The following PNPLA4 variants were observed in gnomAD, a reference collection of about 807,000 sequenced individuals.
PNPLA4 encodes patatin like domain 4, phospholipase and triacylglycerol lipase.
Under a neutral mutation model 18.3 loss-of-function variants are expected in PNPLA4, and 15 were observed. The observed-to-expected ratio is 0.82, with a 90% CI of 0.55 to 1.26. PNPLA4 has a LOEUF of 1.26. Ranked by LOEUF, PNPLA4 falls within the 50% of genes most tolerant of loss-of-function variation. PNPLA4 has a pLI of 0.00. For synonymous variants in PNPLA4, 88 were observed against 85.6 expected (o/e 1.03, Z -0.16); for missense variants, 229 against 196.8 (o/e 1.16, Z -0.98).
intron 2 of PNPLA4, 49 bp downstream of exon 2, chrX:7,925,891 G>T: frequency 9.2e-7 from 1 of 1,083,663 alleles, no homozygotes; most frequent in Non-Finnish European, 1.3e-6. Context: ...TTTGCCTTTG[G>T]GTCTTAATTT....
chrX:7,926,379 T>C (rs918439815), intron 1 of PNPLA4, among the ~76,000 whole-genome samples: 2 of 112,498 alleles, frequency 1.8e-5, no homozygotes, highest in Admixed American at 9.4e-5. Context: ...ATTTATTCGG[T>C]ACATAGATTA....
intron 4 of PNPLA4, among the ~76,000 whole-genome samples, chrX:7,915,158 C>T (rs181708575): frequency 7.2e-5 from 8 of 111,189 alleles, no homozygotes; most frequent in Non-Finnish European, 1.3e-4. Flanking sequence ...TAAACATGTG[C>T]TTTTAGTGTA....
chrX:7,925,836 C>A, intron 2 of PNPLA4, 104 bp downstream of exon 2: 1 of 637,573 alleles, frequency 1.6e-6, no homozygotes, highest in Non-Finnish European at 2.4e-6. Flanking sequence ...TCCAAGCAAA[C>A]GATTATTTCT....
rs745481763 is a variant in PNPLA4 at position 7,924,760 on chromosome X, A to T, written c.180+1180T>A. 3.6e-5 allele frequency among the ~76,000 whole-genome samples: 4 copies of T among 112,393 alleles called. No individual in the cohort carries two copies. In the South Asian group the frequency reaches 1.5e-3, roughly 41 times the overall value. Reference sequence around the variant, plus strand: ...TGGCTGTACTAGTGCAGTATTTCCAAATCAGGTTAATTCTAAATCATACAA... The same window carrying T: ...TGGCTGTACTAGTGCAGTATTTCCATATCAGGTTAATTCTAAATCATACAA... On this transcript the variant is annotated intron_variant, in intron 2 of 6. Coordinates refer to ENST00000381042, the MANE Select transcript of PNPLA4 (RefSeq NM_004650.3).
At position 7,918,904 on chromosome X, in the gene PNPLA4, C is replaced by A. The variant is rs769081139; in HGVS notation, c.411+2809G>T. Among the ~76,000 whole-genome samples the A allele has an allele frequency of 8.0e-5, 9 of 112,325 alleles. No homozygotes were observed. In the South Asian group the frequency reaches 3.3e-3, roughly 42 times the overall value. ...TCTCACTCTTTTCCCCTAAATGCTT[C>A]ATGAGTATTCCAGGCATAGGTTTCA... On this transcript the variant is annotated intron_variant, in intron 4 of 6. Transcript: ENST00000381042.
chrX:7,901,460 G>A (rs1005547179), intron 6 of PNPLA4, among the ~76,000 whole-genome samples: 3 of 110,520 alleles, frequency 2.7e-5, no homozygotes, highest in South Asian at 7.8e-4. Flanking sequence ...GGTGGCACGC[G>A]CCTGCAGTCC....
rs1403110779 is a variant in PNPLA4 at position 7,912,032 on chromosome X, C to T, written c.473G>A (p.Gly158Glu). 8.4e-7 allele frequency: 1 copy of T among 1,192,921 alleles called. No individual in the cohort carries two copies. Among genetic ancestry groups the T allele is most frequent in the Non-Finnish European group, 1.1e-6 (1 of 879,598 alleles). The change falls in exon 5 of 7, where the codon GGG becomes GAG. Residue 158 changes from glycine (G) to glutamate (E), a missense_variant. Gly to Glu is a moderately conservative substitution (Grantham distance 98, BLOSUM62 -2). Transcript: ENST00000381042. Reference sequence around the variant, plus strand: ...CCTCAGTTATAACAAGCTTACCTGCCCTTTGTATTCCACTAGCTTCAGTCC... The same window carrying T: ...CCTCAGTTATAACAAGCTTACCTGCTCTTTGTATTCCACTAGCTTCAGTCC... ...YAGLKLVEYK[G>E]QKWVDGGLTN...
intron 5 of PNPLA4, among the ~76,000 whole-genome samples, chrX:7,904,890 A>G (rs1458093334): frequency 8.9e-6 from 1 of 111,939 alleles, no homozygotes; most frequent in African/African-American, 3.3e-5. Context: ...GTCAGTTTTC[A>G]TCACATATCA....
intron 5 of PNPLA4, among the ~76,000 whole-genome samples, chrX:7,911,650 C>T (rs2286345): frequency 0.032 from 3,531 of 110,884 alleles, 83 homozygotes; most frequent in Admixed American, 0.1. Context: ...GAACCTATGC[C>T]GCATTGTCTG....
chrX:7,916,158 G>A (rs1025331488), intron 4 of PNPLA4, among the ~76,000 whole-genome samples: 3 of 111,929 alleles, frequency 2.7e-5, no homozygotes, highest in Non-Finnish European at 5.6e-5. Context: ...ACTCTACGAC[G>A]CCATTGCACT....
At chrX:7,911,179 C>G (rs1444386577) in intron 5 of PNPLA4, among the ~76,000 whole-genome samples, 1 of 111,973 alleles carries the variant, frequency 8.9e-6, no homozygotes, top group African/African-American at 3.2e-5. Flanking sequence ...AAATACATAT[C>G]TCTGGTGTCT....
In PNPLA4 at chrX:7,900,089, G is replaced by T; in HGVS notation, c.*597C>A. On this transcript the variant is annotated 3_prime_UTR_variant, in exon 7 of 7. Coordinates refer to ENST00000381042, the MANE Select transcript of PNPLA4 (RefSeq NM_004650.3). The stretch of plus-strand genomic sequence containing the variant: ...GCCTTTCACCTTCCACCACAATTGT[G>T]AGGCCTCCTCAGTCATGTGGAACTG... 8.5e-6 allele frequency: 1 copy of T among 117,415 alleles called. No homozygotes were observed. The highest frequency in any genetic ancestry group is 1.8e-5 in the Non-Finnish European group (1 of 56,459). 9.7% of individuals were successfully genotyped at this position (117,415 alleles called of 1,213,427 possible).
intron 5 of PNPLA4, among the ~76,000 whole-genome samples, chrX:7,906,643 T>A (rs1319100072): frequency 8.9e-6 from 1 of 112,511 alleles, no homozygotes; most frequent in African/African-American, 3.2e-5. Flanking sequence ...CAGGTTTCCA[T>A]CCAGCCAAAT....
intron 2 of PNPLA4, among the ~76,000 whole-genome samples, chrX:7,924,214 A>G (rs1024349588): frequency 5.4e-5 from 6 of 111,818 alleles, no homozygotes; most frequent in Admixed American, 9.5e-5. Flanking sequence ...AAATTTGCCT[A>G]CCACTTAAAA....
chrX:7,921,880 C>T, intron 3 of PNPLA4, 32 bp from the exon 4 acceptor site: 3 of 1,176,083 alleles, frequency 2.6e-6, no homozygotes, highest in Non-Finnish European at 3.5e-6. Flanking sequence ...GAATTACTCA[C>T]CTTTAATTAT....
At chrX:7,903,966 C>T (rs1369677181) in intron 5 of PNPLA4, among the ~76,000 whole-genome samples, 1 of 106,325 alleles carries the variant, frequency 9.4e-6, no homozygotes, top group Admixed American at 1.0e-4. Context: ...TAAAATATAG[C>T]TGGTTATGTA....
intron 5 of PNPLA4, among the ~76,000 whole-genome samples, chrX:7,908,390 A>T (rs1427344323): frequency 8.9e-6 from 1 of 112,555 alleles, no homozygotes; most frequent in Non-Finnish European, 1.9e-5. Flanking sequence ...AGAAAATAAG[A>T]GGTGTATTCA....
intron 4 of PNPLA4, among the ~76,000 whole-genome samples, chrX:7,919,869 G>T (rs1174511487): frequency 1.8e-5 from 2 of 111,927 alleles, no homozygotes; most frequent in Non-Finnish European, 3.8e-5. Flanking sequence ...CAGTATGGAG[G>T]GCCCAGCTTC....
rs1923412601 is a variant in PNPLA4 at position 7,898,626 on chromosome X, T to A, written c.*2060A>T. 8.9e-6 allele frequency: 1 copy of A among 111,816 alleles called. No individual in the cohort carries two copies. 9.2% of individuals were successfully genotyped at this position (111,816 alleles called of 1,213,427 possible). On this transcript the variant is annotated 3_prime_UTR_variant, in exon 7 of 7. Transcript: ENST00000381042. ...GCTGTATTCCCCTCATGTAGGAAAG[T>A]TGCTGCAGACTGATACGTCAATGAT...
Sources: gnomAD v4.1 joint callset for allele counts (sites outside exome capture counted in the v4.1 genomes callset) on GRCh38, gnomAD v4.1.1 for gene constraint, MANE v1.5 for transcripts, NCBI Gene and HGNC (gene_info 2026-07-23, HGNC 2026-07-21) for gene names.